Variants in NBAS observed in about 807,000 individuals in gnomAD.
The protein encoded by NBAS is NBAS subunit of NRZ tethering complex, also known as NAG/BC035112 fusion.
In NBAS, 219 loss-of-function variants were observed where a neutral mutation model predicts 302.5. The ratio of observed to expected loss-of-function variants is 0.72; its 90% CI spans 0.65 to 0.81. The LOEUF (loss-of-function observed/expected upper bound fraction) is 0.81, where lower values mean the gene tolerates loss of function less well. NBAS is among the 30% of genes least tolerant of loss of function. NBAS has a pLI of 0.00. For missense variants in NBAS, 2,932 were observed against 2,841.6 expected, an observed-to-expected ratio of 1.03 and a Z score of -0.72; for synonymous variants, 1,118 against 1,021.6, an observed-to-expected ratio of 1.09 and a Z score of -1.80.
intron 12 of NBAS, 98 bp downstream of exon 12, chr2:15,488,796 A>C (rs1168422237): frequency 3.5e-6 from 5 of 1,440,980 alleles, no homozygotes; most frequent in East Asian, 4.8e-5. Context: ...CGATGAGAAT[A>C]AACAGCTGTG....
chr2:15,205,598 A>G (rs1666102262), intron 48 of NBAS, among the ~76,000 whole-genome samples: 1 of 152,166 alleles, frequency 6.6e-6, no homozygotes. Context: ...AAACCAGGAA[A>G]GAGCAGGAGT....
At position 15,184,740 on chromosome 2, in the gene NBAS, C is replaced by G. The variant is rs138129214; in HGVS notation, c.6711+2002G>C. ...GTCCTCGGCCTGGGGTTTGGGGAAG[C>G]CTGATACACATAACTGTTACTGAGC... On this transcript the variant is annotated intron_variant, in intron 50 of 51. Transcript: ENST00000281513. Among the ~76,000 whole-genome samples, 1,264 of 152,302 alleles carry G rather than the reference C, an allele frequency of 8.3e-3. 40 individuals carry two copies. The highest frequency in any genetic ancestry group is 0.058 in the Admixed American group (893 of 15,304).
chr2:15,446,685 CA>C (rs1327368546), intron 21 of NBAS, among the ~76,000 whole-genome samples: 9 of 151,700 alleles, frequency 5.9e-5, no homozygotes, highest in Non-Finnish European at 1.3e-4. Context: ...GCAAAAATAA[CA>C]AAAATGTATT....
chr2:15,443,796 T>C (rs1249510180), intron 21 of NBAS, among the ~76,000 whole-genome samples: 1 of 151,980 alleles, frequency 6.6e-6, no homozygotes, highest in Non-Finnish European at 1.5e-5. Flanking sequence ...ATAAGCAACT[T>C]CAGCAAAGTC....
chr2:15,107,464 G>A, the NBAS span, among the ~76,000 whole-genome samples: 1 of 152,108 alleles, frequency 6.6e-6, no homozygotes, highest in Non-Finnish European at 1.5e-5. Flanking sequence ...AGCAGATATT[G>A]AAAGTTGGAA....
chr2:14,793,727 CAAACTCAAAAT>C, the NBAS span, among the ~76,000 whole-genome samples: 8 of 151,866 alleles, frequency 5.3e-5, no homozygotes, highest in African/African-American at 1.9e-4. Flanking sequence ...GAGTAAACAC[CAAACTCAAAAT>C]AAACTCAAAG....
At chr2:15,556,950 C>G (rs1317966392) in intron 2 of NBAS, 131 bp from the exon 3 acceptor site, 4 of 720,258 alleles carry the variant, frequency 5.6e-6, no homozygotes, top group Admixed American at 2.5e-5. Flanking sequence ...GAACTCAAGT[C>G]TTAAAATGAG....
the NBAS span, among the ~76,000 whole-genome samples, chr2:14,890,051 T>C: frequency 2.0e-5 from 3 of 152,370 alleles, no homozygotes; most frequent in Admixed American, 6.5e-5. Flanking sequence ...GCAATTTGTT[T>C]GAAACATACT....
chr2:15,468,281 G>T, intron 17 of NBAS, 101 bp downstream of exon 17: 1 of 1,404,470 alleles, frequency 7.1e-7, no homozygotes, highest in Non-Finnish European at 1.0e-6. Flanking sequence ...CTTCAGTACA[G>T]AATAACTTAA....
intron 11 of NBAS, 57 bp downstream of exon 11, chr2:15,504,088 G>T (rs1172777109): frequency 3.6e-6 from 5 of 1,394,716 alleles, no homozygotes; most frequent in Non-Finnish European, 3.1e-6. Flanking sequence ...GACCTTAAAG[G>T]TACTTCAGGG....
intron 21 of NBAS, among the ~76,000 whole-genome samples, chr2:15,448,038 T>C (rs1433409282): frequency 6.6e-6 from 1 of 152,138 alleles, no homozygotes. Flanking sequence ...TCTCAAGCCT[T>C]TATAAGGGTG....
chr2:15,254,766 C>T (rs1264970193), intron 44 of NBAS, among the ~76,000 whole-genome samples: 1 of 152,226 alleles, frequency 6.6e-6, no homozygotes, highest in Non-Finnish European at 1.5e-5. Context: ...CATAGCTTAG[C>T]TCCCACTTAT....
chr2:15,325,386 A>G (rs1387862911), intron 38 of NBAS, among the ~76,000 whole-genome samples: 2 of 152,128 alleles, frequency 1.3e-5, no homozygotes, highest in Non-Finnish European at 2.9e-5. Context: ...TATTGCTAAA[A>G]AAAAAGCTAA....
chr2:15,225,220 T>C (rs1430634527), intron 47 of NBAS, among the ~76,000 whole-genome samples: 1 of 152,196 alleles, frequency 6.6e-6, no homozygotes, highest in Non-Finnish European at 1.5e-5. Context: ...AAACAGAGTA[T>C]CTTCCTGGGC....
chr2:14,985,452 T>C, the NBAS span, among the ~76,000 whole-genome samples: 4 of 152,300 alleles, frequency 2.6e-5, no homozygotes, highest in Non-Finnish European at 2.9e-5. Flanking sequence ...GCAGAGACGA[T>C]AGGAAGTAAA....
the NBAS span, among the ~76,000 whole-genome samples, chr2:14,963,908 A>G: frequency 6.6e-6 from 1 of 152,250 alleles, no homozygotes; most frequent in South Asian, 2.1e-4. Context: ...AGGCTGGAAC[A>G]TCTCATAATT....
chr2:15,282,444 C>CAGAT (rs946157486), intron 42 of NBAS, among the ~76,000 whole-genome samples: 96 of 152,306 alleles, frequency 6.3e-4, no homozygotes, highest in African/African-American at 2.2e-3. Flanking sequence ...CATCTCTCCT[C>CAGAT]AGATAGACCT....
At chr2:14,841,082 A>G in the NBAS span, among the ~76,000 whole-genome samples, 2 of 151,994 alleles carry the variant, frequency 1.3e-5, no homozygotes, top group East Asian at 3.8e-4. Flanking sequence ...CATTGTTTCT[A>G]TTCTTTTCTT....
At chr2:15,423,164 C>A (rs1253735231) in intron 23 of NBAS, among the ~76,000 whole-genome samples, 1 of 152,152 alleles carries the variant, frequency 6.6e-6, no homozygotes, top group East Asian at 1.9e-4. Flanking sequence ...TTTCTGTGAA[C>A]TTTATCTATT....
Sources: gnomAD v4.1 joint callset for allele counts (sites outside exome capture counted in the v4.1 genomes callset) on GRCh38, gnomAD v4.1.1 for gene constraint, MANE v1.5 for transcripts, NCBI Gene and HGNC (gene_info 2026-07-23, HGNC 2026-07-21) for gene names.